Variants in ZNF641 observed in about 807,000 individuals in gnomAD.
ZNF641 encodes zinc finger protein 641.
In ZNF641, 26 loss-of-function variants were observed where a neutral mutation model predicts 46.2. That is an observed-to-expected ratio of 0.56 (90% confidence interval 0.41 to 0.78). ZNF641 has a LOEUF of 0.78. Ranked by LOEUF, ZNF641 falls within the 30% of genes least tolerant of loss-of-function variation. ZNF641 has a pLI of 0.00. For synonymous variants in ZNF641, 163 were observed against 187.9 expected, an observed-to-expected ratio of 0.87 and a Z score of 1.09; for missense variants, 469 against 517.8, an observed-to-expected ratio of 0.91 and a Z score of 0.91.
intron 1 of ZNF641, among the ~76,000 whole-genome samples, chr12:48,349,196 AT>A (rs200397764): frequency 2.6e-4 from 40 of 151,568 alleles, no homozygotes; most frequent in Non-Finnish European, 3.7e-4. Flanking sequence ...GATTTAGGTT[AT>A]TTTTTTTTAA....
Position 48,343,571 on chromosome 12 carries a change from G to A in ZNF641, c.677C>T (p.Pro226Leu), listed in dbSNP as rs1952779636. The A allele has an allele frequency of 4.4e-6, 7 of 1,604,750 alleles. No homozygotes were observed. Among genetic ancestry groups the A allele is most frequent in the Non-Finnish European group, 5.1e-6 (6 of 1,174,782 alleles). ...PSSSRGMLLG[P>L]PFLQEDSFSN... is the part of the protein sequence containing the mutation. ...GAAACTATCTTCCTGAAGAAAAGGG[G>A]GCCCCAGGAGCATTCCTCTGGAGCT... The change falls in exon 6 of 6, where the codon CCC becomes CTC. Residue 226 changes from proline to leucine, a missense_variant. Pro to Leu is a moderately conservative substitution (Grantham distance 98). This residue lies in a region of ZNF641 where 346 missense variants were observed against 354.0 expected (regional missense o/e 0.98). Coordinates refer to ENST00000547026, the MANE Select transcript of ZNF641 (RefSeq NM_001172681.2).
At chr12:48,347,680 G>C (rs192411279) in intron 2 of ZNF641, among the ~76,000 whole-genome samples, 1 of 152,342 alleles carries the variant, frequency 6.6e-6, no homozygotes, top group African/African-American at 2.4e-5. Flanking sequence ...TTATGCATTT[G>C]CATGTGGAGG....
rs770024806 is a variant in ZNF641 at position 48,345,523 on chromosome 12, A to C, written c.277-49T>G. 2.5e-6 allele frequency: 4 copies of C among 1,611,606 alleles called. No homozygotes were observed. The South Asian group carries it at 4.4e-5, about 18-fold the overall frequency. On this transcript the variant is annotated intron_variant, in intron 3 of 5. Transcript: ENST00000547026. The stretch of plus-strand genomic sequence containing the variant: ...TGTCAGCAGCTGTTTTTTAAGGAAA[A>C]TGTGATTCAGTATGAAAGGCTAAGT...
chr12:48,350,989 G>GGAGTGGGAGGGAGAC (rs1953021687), upstream of ZNF641: 1 of 214,996 alleles, frequency 4.7e-6, no homozygotes, highest in African/African-American at 2.6e-5. Context: ...GGAGGTGCGG[G>GGAGTGGGAGGGAGAC]GAGTGGGAGG....
At chr12:48,347,101 GA>G in intron 3 of ZNF641, 150 bp downstream of exon 3, 1 of 1,353,222 alleles carries the variant, frequency 7.4e-7, no homozygotes, top group South Asian at 1.4e-5. Context: ...AGGGTCTTAT[GA>G]CCCCTTGGAA....
Position 48,342,148 on chromosome 12 carries a change from G to A in ZNF641, c.*825C>T, listed in dbSNP as rs1019625358. The A allele has an allele frequency of 1.0e-6, 1 of 985,440 alleles. No individual in the cohort carries two copies. Among genetic ancestry groups the A allele is most frequent in the Non-Finnish European group, 1.2e-6 (1 of 830,000 alleles). 61.0% of individuals were successfully genotyped at this position (985,440 alleles called of 1,614,324 possible). On this transcript the variant is annotated 3_prime_UTR_variant, in exon 6 of 6. Coordinates refer to ENST00000547026, the MANE Select transcript of ZNF641 (RefSeq NM_001172681.2). ...TTTTCTGTTTTTCTGTGTGGGCCAGGGCTATTTGGGGGTATTAGATCATCT... is the reference window on the plus strand; with the variant it reads ...TTTTCTGTTTTTCTGTGTGGGCCAGAGCTATTTGGGGGTATTAGATCATCT...
chr12:48,342,512 T>A lies in ZNF641; in HGVS notation c.*461A>T. ...CAAATACATTTAGGAAACACTGCCTTAATAGAACCTTCAGTTGGGTCTACT... is the reference window on the plus strand; with the variant it reads ...CAAATACATTTAGGAAACACTGCCTAAATAGAACCTTCAGTTGGGTCTACT... On this transcript the variant is annotated 3_prime_UTR_variant, in exon 6 of 6. Coordinates refer to ENST00000547026, the MANE Select transcript of ZNF641 (RefSeq NM_001172681.2). The A allele has an allele frequency of 1.2e-6, 1 of 849,156 alleles. No homozygotes were observed. The highest frequency in any genetic ancestry group is 1.4e-6 in the Non-Finnish European group (1 of 702,514). 52.6% of individuals were successfully genotyped at this position (849,156 alleles called of 1,614,324 possible).
In ZNF641 at chr12:48,340,238, G is replaced by A; in HGVS notation, c.*2735C>T. The A allele has an allele frequency of 1.0e-6, 1 of 985,430 alleles. No homozygotes were observed. Among genetic ancestry groups the A allele is most frequent in the Non-Finnish European group, 1.2e-6 (1 of 829,926 alleles). 61.0% of individuals were successfully genotyped at this position (985,430 alleles called of 1,614,324 possible). A position where few individuals can be genotyped will look rare whatever the true frequency, so the allele number is the denominator to read the frequency against. ...CAAAGGATTGCCCCTTCTGTAGAAG[G>A]CCCTTAGACTCCATGATGCCTTTCA... On this transcript the variant is annotated 3_prime_UTR_variant, in exon 6 of 6. Transcript: ENST00000547026.
chr12:48,344,572 GGCTGAAAGCC>G lies in ZNF641; in HGVS notation c.520+17_520+26del, dbSNP rs751542643. 6 of 1,444,376 alleles carry G rather than the reference GGCTGAAAGCC, an allele frequency of 4.2e-6. No individual in the cohort carries two copies. The highest frequency in any genetic ancestry group is 5.8e-6 in the Non-Finnish European group (6 of 1,029,732). 89.5% of individuals were successfully genotyped at this position (1,444,376 alleles called of 1,614,324 possible). ...TGATGTCCCGAACTGTGAAGGAAGT[GGCTGAAAGCC>G]TATTCTAGGTTCTTACCTGTATATG... On this transcript the variant is annotated intron_variant, in intron 5 of 5. Coordinates refer to ENST00000547026, the MANE Select transcript of ZNF641 (RefSeq NM_001172681.2).
intron 1 of ZNF641, among the ~76,000 whole-genome samples, chr12:48,348,706 A>C (rs2130096): frequency 3.3e-5 from 5 of 152,138 alleles, no homozygotes; most frequent in Non-Finnish European, 7.3e-5. Context: ...CATCCAATGA[A>C]AACTGGTAGT....
In ZNF641 at chr12:48,343,025, T is replaced by A; in HGVS notation, c.1223A>T (p.His408Leu). ...GCTGTTCCGGGGACTTTGTCCCTGG[T>A]GGGTGAGCAGGTGCCTGTCCAGGTG... ...KHHLDRHLLT[H>L]QGQSPRNSWD... The change falls in exon 6 of 6, where the codon CAC (histidine) becomes CTC (leucine). Residue 408 changes from histidine (H) to leucine (L), a missense_variant. By Grantham distance (99) the His-to-Leu change is moderately conservative (BLOSUM62 -3). This residue lies in a region of ZNF641 where 346 missense variants were observed against 354.0 expected (regional missense o/e 0.98). Transcript: ENST00000547026. 6.2e-7 allele frequency: 1 copy of A among 1,614,172 alleles called. No individual in the cohort carries two copies. The highest frequency in any genetic ancestry group is 1.6e-4 in the Middle Eastern group (1 of 6,062).
chr12:48,342,823 G>A lies in ZNF641; in HGVS notation c.*150C>T. 4.9e-6 allele frequency: 7 copies of A among 1,437,038 alleles called. No individual in the cohort carries two copies. Among genetic ancestry groups the A allele is most frequent in the Admixed American group, 2.9e-5 (1 of 34,570 alleles). 89.0% of individuals were successfully genotyped at this position (1,437,038 alleles called of 1,614,324 possible). On this transcript the variant is annotated 3_prime_UTR_variant, in exon 6 of 6. Coordinates refer to ENST00000547026, the MANE Select transcript of ZNF641 (RefSeq NM_001172681.2). ...CTATCTCACAGAACTGGTGAGAAATGCTCTGGCCATTGCTGGGACCTCATC... is the reference window on the plus strand; with the variant it reads ...CTATCTCACAGAACTGGTGAGAAATACTCTGGCCATTGCTGGGACCTCATC...
chr12:48,349,039 A>C lies in ZNF641; in HGVS notation c.-25-924T>G, dbSNP rs59679338. Among the ~76,000 whole-genome samples the C allele has an allele frequency of 1.7e-3, 260 of 152,354 alleles. 5 individuals carry two copies. Among genetic ancestry groups the C allele is most frequent in the East Asian group, 7.7e-3 (40 of 5,184 alleles). ...CAAGAAAGGGATTGGAAATACAGCC[A>C]CTGGGAAAGTTAAAAATGTCGGATG... is the stretch of plus-strand genomic sequence containing the variant. On this transcript the variant is annotated intron_variant, in intron 1 of 5. Transcript: ENST00000547026.
At position 48,347,275 on chromosome 12, in the gene ZNF641, C is replaced by T. The variant is rs1952900193; in HGVS notation, c.253G>A (p.Ala85Thr). The T allele has an allele frequency of 6.2e-7, 1 of 1,613,980 alleles. No individual in the cohort carries two copies. The highest frequency in any genetic ancestry group is 8.5e-7 in the Non-Finnish European group (1 of 1,179,880). ...GNTGDWEMAA[A>T]LLAAGSQGLV... ...ACCTGTGATCCAGCCGCAAGAAGTG[C>T]AGCTGCCATCTCCCAGTCTCCAGTG... Residue 85 changes from alanine to threonine, a missense_variant, in exon 3 of 6, where the codon GCA (alanine) becomes ACA (threonine). This residue lies in a region of ZNF641 where 98 missense variants were observed against 105.7 expected (regional missense o/e 0.93). Coordinates refer to ENST00000547026, the MANE Select transcript of ZNF641 (RefSeq NM_001172681.2).
At chr12:48,345,247 T>TA (rs1952835944) in intron 4 of ZNF641, 98 bp downstream of exon 4, 5 of 1,380,444 alleles carry the variant, frequency 3.6e-6, no homozygotes, top group Middle Eastern at 2.5e-4. Context: ...CCCTGCCACA[T>TA]AAAGAGTCCT....
At position 48,343,342 on chromosome 12, in the gene ZNF641, ATGTAGGT is replaced by A; in HGVS notation, c.899_905del (p.His300LeufsTer73). 6.2e-7 allele frequency: 1 copy of A among 1,614,024 alleles called. No individual in the cohort carries two copies. ...ACTCAGAGCACCTGCTGGTCTTGTC[ATGTAGGT>A]GGGTTTTCTGGTGCCTGATGAGGTG... is the stretch of plus-strand genomic sequence containing the variant. On this transcript the variant is annotated frameshift_variant, in exon 6 of 6. Transcript: ENST00000547026. LOFTEE classifies it high-confidence loss of function.
At chr12:48,346,992 C>G (rs753717972) in intron 3 of ZNF641, among the ~76,000 whole-genome samples, 30 of 152,198 alleles carry the variant, frequency 2.0e-4, no homozygotes, top group Non-Finnish European at 3.4e-4. Context: ...ACCAGGGCAA[C>G]ACAGTGAGAT....
At position 48,343,494 on chromosome 12, in the gene ZNF641, A is replaced by G; in HGVS notation, c.754T>C (p.Cys252Arg). 6.2e-7 allele frequency: 1 copy of G among 1,613,704 alleles called. No individual in the cohort carries two copies. The highest frequency in any genetic ancestry group is 8.5e-7 in the Non-Finnish European group (1 of 1,179,686). Reference sequence around the variant, plus strand: ...ACAAACTGTTTCCCACACTGGGGGCATGTGTGGGGTCTTAACAGGGAATCC... The same window carrying G: ...ACAAACTGTTTCCCACACTGGGGGCGTGTGTGGGGTCTTAACAGGGAATCC... The part of the protein sequence containing the change: ...EMDSLLRPHT[C>R]PQCGKQFVWG... The change falls in exon 6 of 6, where the codon TGC becomes CGC. Residue 252 changes from cysteine (C) to arginine (R), a missense_variant. By Grantham distance (180) the Cys-to-Arg change is radical (BLOSUM62 -3). Around this residue, in one of 3 missense-constraint regions of ZNF641, gnomAD observed 346 missense variants for 354.0 expected, o/e 0.98. Transcript: ENST00000547026.
At chr12:48,336,272 A>C (rs146994376), downstream of ZNF641, among the ~76,000 whole-genome samples, 5 of 152,336 alleles carry the variant, frequency 3.3e-5, no homozygotes, top group African/African-American at 1.2e-4. Flanking sequence ...GCTAGTGGGC[A>C]GTCATAGTGG....
Sources: allele counts gnomAD v4.1 joint callset (sites outside exome capture counted in the v4.1 genomes callset), GRCh38; gene constraint gnomAD v4.1.1; regional missense constraint gnomAD v4.1.1; transcripts MANE v1.5; gene names NCBI Gene and HGNC (gene_info 2026-07-23, HGNC 2026-07-21).